Variants in UBE2W observed in about 807,000 individuals in gnomAD.
UBE2W encodes the protein ubiquitin-conjugating enzyme E2 W.
A neutral mutation model predicts 27.2 loss-of-function variants in UBE2W; 18 were observed. That is an observed-to-expected ratio of 0.66 (90% CI 0.46 to 0.98). The LOEUF (loss-of-function observed/expected upper bound fraction) is 0.98, where lower values mean the gene tolerates loss of function less well. Ranked by LOEUF, UBE2W falls within the 50% of genes least tolerant of loss-of-function variation. UBE2W has a pLI of 0.00. For synonymous variants in UBE2W, 53 were observed against 57.2 expected (o/e 0.93, Z 0.33); for missense variants, 90 against 180.2 (o/e 0.50, Z 2.87).
chr8:73,782,985 T>C (rs1807870283), downstream of UBE2W, among the ~76,000 whole-genome samples: 1 of 152,176 alleles, frequency 6.6e-6, no homozygotes. Context: ...GTTTTTATCA[T>C]TGTTTTTATT....
intron 1 of UBE2W, among the ~76,000 whole-genome samples, chr8:73,832,698 C>G (rs1810125446): frequency 6.6e-6 from 1 of 152,104 alleles, no homozygotes; most frequent in South Asian, 2.1e-4. Flanking sequence ...TTGAGCATCC[C>G]AAATCTAAAA....
chr8:73,801,246 A>G (rs1441375180), intron 5 of UBE2W, among the ~76,000 whole-genome samples: 1 of 152,224 alleles, frequency 6.6e-6, no homozygotes, highest in East Asian at 1.9e-4. Flanking sequence ...AAGACTTCTC[A>G]TAAATCCTTT....
At position 73,788,896 on chromosome 8, in the gene UBE2W, T is replaced by C. The variant is rs1808075239; in HGVS notation, c.*5206A>G. On this transcript the variant is annotated 3_prime_UTR_variant, in exon 6 of 6. Coordinates refer to ENST00000602593, the MANE Select transcript of UBE2W (RefSeq NM_018299.6). ...CTGGAGTTCTTGAGGTATGTTAAGATAGATCAGCTTCTATTCAGGCATTCC... is the reference window on the plus strand; with the variant it reads ...CTGGAGTTCTTGAGGTATGTTAAGACAGATCAGCTTCTATTCAGGCATTCC... 7 of 985,370 alleles carry C rather than the reference T, an allele frequency of 7.1e-6. No individual in the cohort carries two copies. The Middle Eastern group carries it at 1.6e-3, about 221-fold the overall frequency. 61.0% of individuals were successfully genotyped at this position (985,370 alleles called of 1,614,324 possible). A position where few individuals can be genotyped will look rare whatever the true frequency, so the allele number is the denominator to read the frequency against.
At chr8:73,866,318 T>TATATATATATATAC (rs1404182551) in intron 1 of UBE2W, among the ~76,000 whole-genome samples, 2 of 126,032 alleles carry the variant, frequency 1.6e-5, no homozygotes, top group African/African-American at 2.9e-5. Flanking sequence ...TATATATATA[T>TATATATATATATAC]ACTCAGCAAT....
chr8:73,812,051 G>T (rs918789499), intron 3 of UBE2W, among the ~76,000 whole-genome samples: 1 of 151,766 alleles, frequency 6.6e-6, no homozygotes, highest in Non-Finnish European at 1.5e-5. Flanking sequence ...CATATGAGTA[G>T]AGTCTTCTAA....
chr8:73,840,285 T>C (rs973257343), intron 1 of UBE2W, among the ~76,000 whole-genome samples: 2 of 151,404 alleles, frequency 1.3e-5, no homozygotes, highest in East Asian at 3.9e-4. Context: ...CTCTATCTCC[T>C]GACCTCGTGA....
chr8:73,787,320 G>GT lies in UBE2W; in HGVS notation c.*6781dup, dbSNP rs1807996668. On this transcript the variant is annotated 3_prime_UTR_variant, in exon 6 of 6. Transcript: ENST00000602593. The stretch of plus-strand genomic sequence containing the variant: ...ACGTGTTATGTTAGTGTGAAAATGA[G>GT]TAAGAAATATAGGGAGGACATAAAC... 3 of 985,402 alleles carry GT rather than the reference G, an allele frequency of 3.0e-6. No homozygotes were observed. The allele number at this position is 985,402 out of a possible 1,614,324, so 61.0% of individuals were successfully genotyped here. A position where few individuals can be genotyped will look rare whatever the true frequency, so the allele number is the denominator to read the frequency against.
intron 5 of UBE2W, among the ~76,000 whole-genome samples, chr8:73,799,817 G>C (rs1045053849): frequency 2.0e-5 from 3 of 152,110 alleles, no homozygotes; most frequent in African/African-American, 7.2e-5. Flanking sequence ...GCCTAGCCTT[G>C]AAAGTCACAT....
intron 3 of UBE2W, among the ~76,000 whole-genome samples, chr8:73,817,083 T>G (rs1457598431): frequency 1.3e-5 from 2 of 150,256 alleles, no homozygotes; most frequent in Admixed American, 6.6e-5. Flanking sequence ...CCCAGAACTC[T>G]GGGAGGCTGA....
At chr8:73,806,746 G>T (rs898232368) in intron 4 of UBE2W, among the ~76,000 whole-genome samples, 3 of 152,080 alleles carry the variant, frequency 2.0e-5, no homozygotes, top group African/African-American at 7.2e-5. Flanking sequence ...AACTAGATTT[G>T]TTGGGAGAAG....
chr8:73,787,677 G>C lies in UBE2W; in HGVS notation c.*6425C>G, dbSNP rs1380951105. ...AGATGCTGAGATAGCCCCTTCTTGT[G>C]GTTATTTCTTTCCTCTTCTTGCAGC... On this transcript the variant is annotated 3_prime_UTR_variant, in exon 6 of 6. Transcript: ENST00000602593. 1.0e-6 allele frequency: 1 copy of C among 985,182 alleles called. No individual in the cohort carries two copies. Among genetic ancestry groups the C allele is most frequent in the East Asian group, 1.1e-4 (1 of 8,816 alleles). 61.0% of individuals were successfully genotyped at this position (985,182 alleles called of 1,614,324 possible).
chr8:73,814,343 T>C lies in UBE2W; in HGVS notation c.211-3714A>G, dbSNP rs558747198. 4.2e-4 allele frequency among the ~76,000 whole-genome samples: 64 copies of C among 152,338 alleles called. 1 individual carries two copies. Among genetic ancestry groups the C allele is most frequent in the Admixed American group, 3.8e-3 (58 of 15,298 alleles). On this transcript the variant is annotated intron_variant, in intron 3 of 5. Coordinates refer to ENST00000602593, the MANE Select transcript of UBE2W (RefSeq NM_018299.6). The stretch of plus-strand genomic sequence containing the variant: ...TTTGAAACCATAGCAACTTTGCGAA[T>C]GTATTCAAAATAGTCATATGAACAG...
intron 1 of UBE2W, among the ~76,000 whole-genome samples, chr8:73,870,605 C>G (rs1811964381): frequency 6.6e-6 from 1 of 152,020 alleles, no homozygotes. Flanking sequence ...GCTGTGCTCA[C>G]TTATTCATTT....
chr8:73,864,017 A>G (rs755010839), intron 1 of UBE2W, among the ~76,000 whole-genome samples: 1 of 152,226 alleles, frequency 6.6e-6, no homozygotes, highest in Non-Finnish European at 1.5e-5. Context: ...AGAATCAAAC[A>G]AGAAACCTGG....
chr8:73,782,054 C>A (rs1202206717), downstream of UBE2W, among the ~76,000 whole-genome samples: 1 of 150,982 alleles, frequency 6.6e-6, no homozygotes. Flanking sequence ...GATTCTTCTG[C>A]CTCAGCCTCC....
At chr8:73,806,155 A>AAAAC (rs754121933) in intron 4 of UBE2W, among the ~76,000 whole-genome samples, 3 of 152,164 alleles carry the variant, frequency 2.0e-5, no homozygotes, top group Admixed American at 1.3e-4. Context: ...CTCTCGTCTC[A>AAAAC]AAACAAACAA....
chr8:73,815,889 G>C (rs1381046397), intron 3 of UBE2W, among the ~76,000 whole-genome samples: 1 of 152,184 alleles, frequency 6.6e-6, no homozygotes. Context: ...ATTTAATGCA[G>C]ACAACAGTAC....
Position 73,791,861 on chromosome 8 carries a change from A to G in UBE2W, c.*2241T>C. Reference sequence around the variant, plus strand: ...CATTTTAGTTTACTTTATGGTATTTATATGTAGAGAGAGAGGTATGTTAAA... The same window carrying G: ...CATTTTAGTTTACTTTATGGTATTTGTATGTAGAGAGAGAGGTATGTTAAA... On this transcript the variant is annotated 3_prime_UTR_variant, in exon 6 of 6. Coordinates refer to ENST00000602593, the MANE Select transcript of UBE2W (RefSeq NM_018299.6). The G allele has an allele frequency of 1.0e-6, 1 of 984,644 alleles. No homozygotes were observed. The highest frequency in any genetic ancestry group is 1.2e-6 in the Non-Finnish European group (1 of 829,258). 61.0% of individuals were successfully genotyped at this position (984,644 alleles called of 1,614,324 possible).
At chr8:73,830,356 A>T in intron 2 of UBE2W, 25 bp downstream of exon 2, 5 of 1,509,472 alleles carry the variant, frequency 3.3e-6, no homozygotes, top group Non-Finnish European at 3.7e-6. Context: ...TAAAACAAAG[A>T]GCCCTTTTAA....
Sources: allele counts gnomAD v4.1 joint callset (sites outside exome capture counted in the v4.1 genomes callset), GRCh38; gene constraint gnomAD v4.1.1; transcripts MANE v1.5; gene names NCBI Gene and HGNC (gene_info 2026-07-23, HGNC 2026-07-21).